The following TFG variants were observed in gnomAD, a reference collection of about 807,000 sequenced individuals.
The protein encoded by TFG is protein TFG.
In TFG, 22 loss-of-function variants were observed where a neutral mutation model predicts 51.4. The ratio of observed to expected loss-of-function variants is 0.43; its 90% CI spans 0.31 to 0.61. The LOEUF is 0.61. TFG is among the 20% of genes least tolerant of loss of function. The probability of loss-of-function intolerance (pLI) is 0.12; values close to 1 mark genes in which losing one functional copy is unlikely to be tolerated. For missense variants in TFG, 419 were observed against 487.7 expected, an observed-to-expected ratio of 0.86 and a Z score of 1.33; for synonymous variants, 187 against 165.6, an observed-to-expected ratio of 1.13 and a Z score of -0.99.
chr3:100,712,530 A>G (rs2095033987), intron 1 of TFG, among the ~76,000 whole-genome samples: 1 of 152,176 alleles, frequency 6.6e-6, no homozygotes, highest in Non-Finnish European at 1.5e-5. Flanking sequence ...TGCTTGGAAA[A>G]TGTTCAGCGA....
chr3:100,745,207 ATTATCAGT>A (rs931412287), intron 7 of TFG, among the ~76,000 whole-genome samples: 2 of 152,118 alleles, frequency 1.3e-5, no homozygotes, highest in Non-Finnish European at 2.9e-5. Flanking sequence ...TCTTACTAAC[ATTATCAGT>A]TTATCTCTTA....
intron 2 of TFG, among the ~76,000 whole-genome samples, chr3:100,717,897 A>G (rs1217016252): frequency 2.6e-5 from 4 of 151,978 alleles, no homozygotes; most frequent in African/African-American, 7.3e-5. Context: ...TGCTCTGGCT[A>G]GTACTTGCTT....
intron 6 of TFG, among the ~76,000 whole-genome samples, chr3:100,736,937 A>T (rs2095108219): frequency 6.6e-6 from 1 of 152,224 alleles, no homozygotes. Context: ...GTTTCTATGA[A>T]TATAGATACA....
Position 100,748,141 on chromosome 3 carries a change from C to T in TFG, c.821-8C>T, listed in dbSNP as rs745496440. ...ATAAGATACATGTTATTTATTTTGC[C>T]TTTTCAGCAAGCTATAGTCAGCAGA... On this transcript the variant is annotated splice_region_variant and splice_polypyrimidine_tract_variant and intron_variant, in intron 7 of 7. Coordinates refer to ENST00000240851, the MANE Select transcript of TFG (RefSeq NM_006070.6). The T allele has an allele frequency of 1.2e-6, 2 of 1,607,308 alleles. No homozygotes were observed. Among genetic ancestry groups the T allele is most frequent in the South Asian group, 2.2e-5 (2 of 90,448 alleles).
intron 4 of TFG, among the ~76,000 whole-genome samples, chr3:100,731,421 A>T (rs775112338): frequency 1.8e-4 from 27 of 152,284 alleles, no homozygotes; most frequent in Non-Finnish European, 2.5e-4. Context: ...TTTAAATTTA[A>T]CCTGCTCATA....
intron 4 of TFG, among the ~76,000 whole-genome samples, chr3:100,730,790 G>A (rs951277713): frequency 2.0e-5 from 3 of 152,158 alleles, no homozygotes; most frequent in Non-Finnish European, 4.4e-5. Context: ...AGTATCTCCA[G>A]CAGCTAATGG....
chr3:100,713,874 G>C lies in TFG; in HGVS notation c.184+5G>C. On this transcript the variant is annotated splice_donor_5th_base_variant and intron_variant, in intron 2 of 7. Coordinates refer to ENST00000240851, the MANE Select transcript of TFG (RefSeq NM_006070.6). ...CAATAAAGTATAAAGATGAAGGTAA[G>C]AGTGTTTTTAAAGCTATTTTTTAAA... 7.3e-7 allele frequency: 1 copy of C among 1,375,916 alleles called. No homozygotes were observed. The highest frequency in any genetic ancestry group is 9.7e-7 in the Non-Finnish European group (1 of 1,026,516). 85.2% of individuals were successfully genotyped at this position (1,375,916 alleles called of 1,614,324 possible). A position where few individuals can be genotyped will look rare whatever the true frequency, so the allele number is the denominator to read the frequency against.
At chr3:100,744,578 A>G (rs1175922791) in intron 6 of TFG, 4 of 312,562 alleles carry the variant, frequency 1.3e-5, no homozygotes, top group Admixed American at 5.0e-5. Flanking sequence ...TCTAGACTTT[A>G]TGAAATGGTA....
chr3:100,722,943 G>C (rs1292095957), intron 3 of TFG, among the ~76,000 whole-genome samples: 1 of 152,156 alleles, frequency 6.6e-6, no homozygotes, highest in African/African-American at 2.4e-5. Flanking sequence ...ACTGTTGCTT[G>C]GTCAGTAGGC....
intron 7 of TFG, 102 bp from the exon 8 acceptor site, chr3:100,748,047 A>T: frequency 9.2e-7 from 1 of 1,088,554 alleles, no homozygotes; most frequent in Non-Finnish European, 1.3e-6. Context: ...CATATTTATT[A>T]AATTTCTCAC....
intron 5 of TFG, among the ~76,000 whole-genome samples, chr3:100,734,138 G>C (rs953881357): frequency 6.7e-6 from 1 of 148,992 alleles, no homozygotes; most frequent in Non-Finnish European, 1.5e-5. Flanking sequence ...GATAGTTTTT[G>C]CAAGAATCCT....
intron 1 of TFG, among the ~76,000 whole-genome samples, chr3:100,711,636 A>T (rs940908296): frequency 6.6e-6 from 1 of 152,098 alleles, no homozygotes; most frequent in African/African-American, 2.4e-5. Context: ...TAAATTCTAT[A>T]TGTCAGGCAC....
intron 1 of TFG, among the ~76,000 whole-genome samples, chr3:100,712,346 A>G (rs1167867033): frequency 6.6e-6 from 1 of 152,242 alleles, no homozygotes. Flanking sequence ...AAGAATAAAG[A>G]ATAATTGCAG....
At chr3:100,740,136 CAT>C (rs931777574) in intron 6 of TFG, among the ~76,000 whole-genome samples, 11 of 149,814 alleles carry the variant, frequency 7.3e-5, no homozygotes, top group African/African-American at 2.7e-4. Flanking sequence ...AAATCCCTTA[CAT>C]GTTTCTAAAA....
rs750759898 is a variant in TFG, at chr3:100,732,537, GCTT to G, written c.448_450del (p.Ser150del). 1.9e-6 allele frequency: 3 copies of G among 1,611,418 alleles called. No individual in the cohort carries two copies. The highest frequency in any genetic ancestry group is 2.5e-6 in the Non-Finnish European group (3 of 1,178,938). On this transcript the variant is annotated inframe_deletion, in exon 5 of 8. Coordinates refer to ENST00000240851, the MANE Select transcript of TFG (RefSeq NM_006070.6). ...TGTGGATGGTAGGGAAGAAAAGTCT[GCTT>G]CTGATTCTTCTGGAAAACAGTCTAC...
intron 2 of TFG, among the ~76,000 whole-genome samples, chr3:100,714,733 A>G (rs1043374454): frequency 6.6e-6 from 1 of 152,272 alleles, no homozygotes; most frequent in Non-Finnish European, 1.5e-5. Flanking sequence ...TGGTTTAAAC[A>G]AAGACAAAAG....
chr3:100,738,669 C>G (rs2095113174), intron 6 of TFG, among the ~76,000 whole-genome samples: 1 of 152,062 alleles, frequency 6.6e-6, no homozygotes, highest in African/African-American at 2.4e-5. Flanking sequence ...GTATTGTATG[C>G]CTTGCTGCAA....
At chr3:100,737,743 G>A (rs2095110526) in intron 6 of TFG, among the ~76,000 whole-genome samples, 1 of 152,138 alleles carries the variant, frequency 6.6e-6, no homozygotes, top group Non-Finnish European at 1.5e-5. Context: ...CTATCATCCT[G>A]TGGTGATACT....
At chr3:100,736,894 A>G (rs564449085) in intron 6 of TFG, among the ~76,000 whole-genome samples, 178 bp downstream of exon 6, 15 of 152,324 alleles carry the variant, frequency 9.8e-5, no homozygotes, top group African/African-American at 2.9e-4. Context: ...TATGTTTCCA[A>G]TTATTGGAAT....
Sources: gnomAD v4.1 joint callset for allele counts (sites outside exome capture counted in the v4.1 genomes callset) on GRCh38, gnomAD v4.1.1 for gene constraint, MANE v1.5 for transcripts, NCBI Gene and HGNC (gene_info 2026-07-23, HGNC 2026-07-21) for gene names.